The following METTL15 variants were observed in gnomAD, a reference collection of about 807,000 sequenced individuals.
METTL15 encodes the protein methyltransferase 15, mitochondrial 12S rRNA N4-cytidine.
METTL15 carries 34 observed loss-of-function variants against 38.3 expected under a neutral mutation model. That is an observed-to-expected ratio of 0.89 (90% CI 0.68 to 1.18). METTL15 has a LOEUF of 1.18. Ranked by LOEUF, METTL15 falls within the 50% of genes most tolerant of loss-of-function variation. METTL15 has a pLI of 0.00. For synonymous variants in METTL15, 162 were observed against 170.9 expected (o/e 0.95, Z 0.41); for missense variants, 438 against 498.4 (o/e 0.88, Z 1.15).
chr11:28,512,572 C>T (rs894584114), intron 6 of METTL15, among the ~76,000 whole-genome samples: 31 of 152,332 alleles, frequency 2.0e-4, no homozygotes, highest in South Asian at 1.9e-3. Context: ...GCAGCTGGCC[C>T]GGGTGCTAAG....
At position 28,476,091 on chromosome 11, in the gene METTL15, A is replaced by G. The variant is rs367789007; in HGVS notation, c.*425-50387A>G. On this transcript the variant is annotated intron_variant and NMD_transcript_variant, in intron 6 of 7. Coordinates refer to the METTL15 transcript ENST00000532947. ...GCTTGCTAGGGGTAGTAGACAAAGAACAGAAAATGAATAATTTATATTTGA... is the reference window on the plus strand; with the variant it reads ...GCTTGCTAGGGGTAGTAGACAAAGAGCAGAAAATGAATAATTTATATTTGA... Among the ~76,000 whole-genome samples, 14 of 152,294 alleles carry G rather than the reference A, an allele frequency of 9.2e-5. No homozygotes were observed. The East Asian group carries it at 2.5e-3, about 27-fold the overall frequency.
chr11:28,448,613 G>T (rs1413106746), intron 6 of METTL15, among the ~76,000 whole-genome samples: 1 of 151,984 alleles, frequency 6.6e-6, no homozygotes, highest in African/African-American at 2.4e-5. Flanking sequence ...CTCTGATTTT[G>T]TTTTCTACAT....
chr11:28,213,449 C>G lies in METTL15; in HGVS notation c.407+2251C>G, dbSNP rs192323842. Among the ~76,000 whole-genome samples, 262 of 152,022 alleles carry G rather than the reference C, an allele frequency of 1.7e-3. 2 individuals carry two copies. Among genetic ancestry groups the G allele is most frequent in the African/African-American group, 6.0e-3 (249 of 41,496 alleles). ...ATAAGTTCATCATAAGATAATAAAA[C>G]TGCAATTCTCTGGTAACTTGCAAAA... is the stretch of plus-strand genomic sequence containing the variant. On this transcript the variant is annotated intron_variant, in intron 4 of 6. Transcript: ENST00000407364.
At chr11:28,159,118 G>A (rs774379138) in intron 3 of METTL15, among the ~76,000 whole-genome samples, 8 of 152,070 alleles carry the variant, frequency 5.3e-5, no homozygotes, top group African/African-American at 1.7e-4. Context: ...CTGCCACCAG[G>A]AGACACAAAA....
intron 3 of METTL15, among the ~76,000 whole-genome samples, chr11:28,155,967 C>T (rs188824418): frequency 7.6e-4 from 116 of 152,172 alleles, no homozygotes; most frequent in African/African-American, 2.4e-3. Flanking sequence ...ATTAATAGCG[C>T]GATCTTCATT....
intron 6 of METTL15, among the ~76,000 whole-genome samples, chr11:28,520,789 C>G (rs1851758533): frequency 6.6e-6 from 1 of 152,202 alleles, no homozygotes; most frequent in Non-Finnish European, 1.5e-5. Context: ...CAAAAGCTTT[C>G]AAAGCCCAGT....
At chr11:28,255,992 C>A (rs767907579) in intron 4 of METTL15, among the ~76,000 whole-genome samples, 1 of 152,166 alleles carries the variant, frequency 6.6e-6, no homozygotes, top group Non-Finnish European at 1.5e-5. Flanking sequence ...CATGAGCCAC[C>A]GTGCCTGGCC....
intron 4 of METTL15, among the ~76,000 whole-genome samples, chr11:28,262,393 T>C (rs1855241753): frequency 6.6e-6 from 1 of 150,886 alleles, no homozygotes; most frequent in South Asian, 2.1e-4. Flanking sequence ...AACTGTATAG[T>C]ATATATATTA....
chr11:28,386,252 C>T (rs1850439339), intron 5 of METTL15, among the ~76,000 whole-genome samples: 1 of 151,836 alleles, frequency 6.6e-6, no homozygotes, highest in Non-Finnish European at 1.5e-5. Context: ...TTAAATCTTT[C>T]CCTATCAGTA....
intron 6 of METTL15, among the ~76,000 whole-genome samples, chr11:28,498,320 G>A (rs546194681): frequency 7.9e-5 from 12 of 151,932 alleles, no homozygotes; most frequent in African/African-American, 2.2e-4. Flanking sequence ...CACCACGCCC[G>A]GCTAATTTTT....
chr11:28,304,424 A>G (rs907610332), intron 6 of METTL15, among the ~76,000 whole-genome samples: 1 of 152,162 alleles, frequency 6.6e-6, no homozygotes, highest in African/African-American at 2.4e-5. Context: ...AGATAATGAT[A>G]AGATAAAATT....
intron 3 of METTL15, among the ~76,000 whole-genome samples, chr11:28,143,641 G>A (rs1348549455): frequency 1.3e-5 from 2 of 152,158 alleles, no homozygotes; most frequent in Admixed American, 6.5e-5. Flanking sequence ...GTAGCATAAA[G>A]CCAGATGTTC....
intron 6 of METTL15, among the ~76,000 whole-genome samples, chr11:28,435,315 G>A (rs1590373969): frequency 1.3e-5 from 2 of 152,278 alleles, no homozygotes; most frequent in South Asian, 2.1e-4. Context: ...ATGGCAAAAC[G>A]AGGACAGAAT....
chr11:28,470,399 C>T (rs140927378), intron 6 of METTL15, among the ~76,000 whole-genome samples: 81 of 152,180 alleles, frequency 5.3e-4, no homozygotes, highest in Non-Finnish European at 8.5e-4. Context: ...TGAATGTGAG[C>T]GGAAGTTATA....
Position 28,141,153 on chromosome 11 carries a change from C to G in METTL15, c.270+27549C>G, listed in dbSNP as rs771329790. On this transcript the variant is annotated intron_variant, in intron 3 of 6. Coordinates refer to ENST00000407364, the MANE Select transcript of METTL15 (RefSeq NM_001113528.2). ...AGAGTTTGGAGGCTAGGGTTTTTAG[C>G]GGTAATTTGGTGGGCAGAGCACTAG... Among the ~76,000 whole-genome samples, 5 of 152,066 alleles carry G rather than the reference C, an allele frequency of 3.3e-5. No individual in the cohort carries two copies. The South Asian group carries it at 8.3e-4, about 25-fold the overall frequency.
chr11:28,378,544 C>T (rs1461535348), intron 5 of METTL15, among the ~76,000 whole-genome samples: 1 of 152,186 alleles, frequency 6.6e-6, no homozygotes, highest in African/African-American at 2.4e-5. Flanking sequence ...CACTGACCTG[C>T]ACCCACTGTC....
At chr11:28,394,140 G>A (rs555548813) in intron 5 of METTL15, among the ~76,000 whole-genome samples, 1 of 152,084 alleles carries the variant, frequency 6.6e-6, no homozygotes, top group African/African-American at 2.4e-5. Flanking sequence ...AATGAAAGAA[G>A]TGGCAGAGCA....
At chr11:28,171,590 C>T (rs972888114) in intron 3 of METTL15, among the ~76,000 whole-genome samples, 21 of 152,144 alleles carry the variant, frequency 1.4e-4, no homozygotes, top group Admixed American at 1.1e-3. Context: ...GGTGACATTT[C>T]GTTTTAACAC....
chr11:28,311,595 G>A (rs1857306748), intron 6 of METTL15, among the ~76,000 whole-genome samples: 1 of 152,228 alleles, frequency 6.6e-6, no homozygotes, highest in Admixed American at 6.5e-5. Flanking sequence ...CCCTAAAAAA[G>A]CAAGAATGGT....
Sources: allele counts gnomAD v4.1 joint callset (sites outside exome capture counted in the v4.1 genomes callset), GRCh38; gene constraint gnomAD v4.1.1; transcripts MANE v1.5; gene names NCBI Gene and HGNC (gene_info 2026-07-23, HGNC 2026-07-21).